Variants in PIK3C2A observed in about 807,000 individuals in gnomAD.
PIK3C2A encodes the protein phosphatidylinositol 4-phosphate 3-kinase C2 domain-containing subunit alpha.
In PIK3C2A, 97 loss-of-function variants were observed where a neutral mutation model predicts 204.5. The ratio of observed to expected loss-of-function variants is 0.47; its 90% CI spans 0.40 to 0.56. The LOEUF is 0.56. Among genes scored for constraint, PIK3C2A ranks in the 20% least tolerant of loss-of-function variants. The pLI is 0.00. For missense variants in PIK3C2A, 1,735 were observed against 1,969.2 expected (o/e 0.88, Z 2.25); for synonymous variants, 653 against 664.4 (o/e 0.98, Z 0.26).
intron 2 of PIK3C2A, among the ~76,000 whole-genome samples, chr11:17,160,452 T>C (rs1197509725): frequency 7.2e-5 from 11 of 152,280 alleles, no homozygotes; most frequent in Admixed American, 6.5e-4. Context: ...GGTCGAGGGA[T>C]TGGCAATTCT....
intron 23 of PIK3C2A, among the ~76,000 whole-genome samples, chr11:17,103,862 C>G (rs962420582): frequency 6.6e-6 from 1 of 152,160 alleles, no homozygotes; most frequent in Non-Finnish European, 1.5e-5. Flanking sequence ...TTAATGTATG[C>G]TACTTGGCAA....
At chr11:17,199,477 T>G (rs915662333) in intron 1 of PIK3C2A, among the ~76,000 whole-genome samples, 2 of 152,242 alleles carry the variant, frequency 1.3e-5, no homozygotes, top group African/African-American at 4.8e-5. Context: ...CATCAATGAA[T>G]TAATATACAA....
chr11:17,204,312 T>C (rs1852489107), intron 1 of PIK3C2A: 1 of 152,240 alleles, frequency 6.6e-6, no homozygotes, highest in Non-Finnish European at 1.5e-5. Context: ...CCTACCTATG[T>C]GACTCCCATT....
chr11:17,162,735 C>T (rs1468400202), intron 2 of PIK3C2A, among the ~76,000 whole-genome samples: 1 of 152,196 alleles, frequency 6.6e-6, no homozygotes, highest in Non-Finnish European at 1.5e-5. Context: ...ACTGGAGTCT[C>T]CCTGAACCCA....
chr11:17,150,565 T>G lies in PIK3C2A; in HGVS notation c.1260A>C (p.Glu420Asp), dbSNP rs1850393633. Residue 420 changes from glutamate to aspartate, a missense_variant, in exon 4 of 33, where the codon GAA becomes GAC. Coordinates refer to ENST00000691414, the MANE Select transcript of PIK3C2A (RefSeq NM_002645.4). ...CAATGGAGACCTTCACACTAGCATT[T>G]TCTCCGCATATGTTTCTTTGTGCTG... ...PVTAQRNICG[E>D]NASVKVSIDI... 6.2e-7 allele frequency: 1 copy of G among 1,611,684 alleles called. No homozygotes were observed. Among genetic ancestry groups the G allele is most frequent in the African/African-American group, 1.3e-5 (1 of 74,628 alleles).
chr11:17,134,824 T>C lies in PIK3C2A; in HGVS notation c.2103A>G (p.Val701=), dbSNP rs904103852. The stretch of plus-strand genomic sequence containing the variant: ...CTGCTTAAACAGTTACTTACTTTGA[T>C]ACCCAATTACTTGAAATTCCATGAG... ...FAAHGISSNW[V]SNYEKYYLIC... Residue 701 remains valine (V), a synonymous_variant, in exon 11 of 33, where the codon GTA becomes GTG. Transcript: ENST00000691414. The C allele has an allele frequency of 6.2e-7, 1 of 1,611,126 alleles. No homozygotes were observed.
rs560652576 is a variant in PIK3C2A, at chr11:17,189,105, C to T, written c.-66+18743G>A. Among the ~76,000 whole-genome samples the T allele has an allele frequency of 1.0e-4, 15 of 146,924 alleles. No individual in the cohort carries two copies. In the East Asian group the frequency reaches 2.9e-3, roughly 28 times the overall value. On this transcript the variant is annotated intron_variant, in intron 1 of 32. Coordinates refer to ENST00000691414, the MANE Select transcript of PIK3C2A (RefSeq NM_002645.4). ...TGAAATCATGTCAGTGCTTAGATCCCAAATCCTGCTGAGGAGAAAGTCATA... is the reference window on the plus strand; with the variant it reads ...TGAAATCATGTCAGTGCTTAGATCCTAAATCCTGCTGAGGAGAAAGTCATA...
At chr11:17,205,449 C>T (rs949184771) in intron 1 of PIK3C2A, among the ~76,000 whole-genome samples, 9 of 127,830 alleles carry the variant, frequency 7.0e-5, no homozygotes, top group East Asian at 6.5e-4. Context: ...ACTCCAGCCT[C>T]GTCAACAGAG....
chr11:17,153,806 T>G (rs1310985637), intron 3 of PIK3C2A, among the ~76,000 whole-genome samples: 2 of 152,226 alleles, frequency 1.3e-5, no homozygotes, highest in Non-Finnish European at 2.9e-5. Context: ...AGCAAAGAAC[T>G]GGCTCTCTAA....
chr11:17,143,812 C>T (rs1274490276), intron 8 of PIK3C2A, among the ~76,000 whole-genome samples: 1 of 152,042 alleles, frequency 6.6e-6, no homozygotes, highest in Non-Finnish European at 1.5e-5. Context: ...TGGCACACAC[C>T]TGTAATCCCA....
chr11:17,125,832 A>G (rs1424186701), intron 13 of PIK3C2A, among the ~76,000 whole-genome samples: 1 of 152,124 alleles, frequency 6.6e-6, no homozygotes, highest in African/African-American at 2.4e-5. Context: ...AAACTTTGTC[A>G]TATCAATTAC....
At chr11:17,127,094 GAGT>G (rs971203492) in intron 13 of PIK3C2A, among the ~76,000 whole-genome samples, 1 of 152,074 alleles carries the variant, frequency 6.6e-6, no homozygotes, top group African/African-American at 2.4e-5. Flanking sequence ...TTCTGTTTTA[GAGT>G]AGTAATGTAT....
intron 1 of PIK3C2A, chr11:17,204,248 G>T (rs1007222599): frequency 1.1e-4 from 16 of 152,262 alleles, no homozygotes; most frequent in African/African-American, 3.6e-4. Context: ...GATGTACCAA[G>T]TGTAACATAC....
intron 1 of PIK3C2A, among the ~76,000 whole-genome samples, chr11:17,178,246 T>A (rs1461624854): frequency 6.6e-6 from 1 of 152,204 alleles, no homozygotes; most frequent in Non-Finnish European, 1.5e-5. Flanking sequence ...TTTATGATTT[T>A]AAAAAACACA....
intron 9 of PIK3C2A, among the ~76,000 whole-genome samples, chr11:17,135,712 TG>T (rs1849851006): frequency 6.8e-6 from 1 of 147,254 alleles, no homozygotes; most frequent in African/African-American, 2.5e-5. Flanking sequence ...TGTGTGTGTG[TG>T]TGTGTATAAG....
chr11:17,196,537 T>C (rs1213270869), intron 1 of PIK3C2A, among the ~76,000 whole-genome samples: 3 of 151,988 alleles, frequency 2.0e-5, no homozygotes, highest in Admixed American at 6.6e-5. Flanking sequence ...AACAGTAATG[T>C]GAGAGAGAAT....
chr11:17,146,612 TC>T lies in PIK3C2A; in HGVS notation c.1561-671del, dbSNP rs1034269973. 5.3e-5 allele frequency among the ~76,000 whole-genome samples: 8 copies of T among 151,834 alleles called. No individual in the cohort carries two copies. In the South Asian group the frequency reaches 1.5e-3, roughly 28 times the overall value. On this transcript the variant is annotated intron_variant, in intron 6 of 32. Transcript: ENST00000691414. ...GGTGCATGCCCGCAGTTCCAGCTAT[TC>T]CAGAGGCTGAGGCATGAGAATCGCT...
intron 22 of PIK3C2A, among the ~76,000 whole-genome samples, chr11:17,105,685 T>G (rs1214183537): frequency 6.6e-6 from 1 of 152,224 alleles, no homozygotes; most frequent in Non-Finnish European, 1.5e-5. Flanking sequence ...CTGAGAATGA[T>G]GGCTTCCAGC....
chr11:17,199,359 G>A (rs998915185), intron 1 of PIK3C2A, among the ~76,000 whole-genome samples: 1 of 152,098 alleles, frequency 6.6e-6, no homozygotes, highest in African/African-American at 2.4e-5. Flanking sequence ...CAACAACCCA[G>A]CAATTCCACT....
Sources: allele counts gnomAD v4.1 joint callset (sites outside exome capture counted in the v4.1 genomes callset), GRCh38; gene constraint gnomAD v4.1.1; transcripts MANE v1.5; gene names NCBI Gene and HGNC (gene_info 2026-07-23, HGNC 2026-07-21).